Variants in EFEMP1 observed in about 807,000 individuals in gnomAD.
EFEMP1 encodes the protein EGF-like fibulin extracellular matrix protein 1.
Under a neutral mutation model 65.7 loss-of-function variants are expected in EFEMP1, and 18 were observed. The ratio of observed to expected loss-of-function variants is 0.27; its 90% CI spans 0.19 to 0.41. The LOEUF (loss-of-function observed/expected upper bound fraction) is 0.41, where lower values mean the gene tolerates loss of function less well. Among genes scored for constraint, EFEMP1 ranks in the 10% least tolerant of loss-of-function variants. The pLI, the probability that EFEMP1 is intolerant of heterozygous loss-of-function variation, is 1.00. For missense variants in EFEMP1, 469 were observed against 624.8 expected, an observed-to-expected ratio of 0.75 and a Z score of 2.66; for synonymous variants, 237 against 219.7, an observed-to-expected ratio of 1.08 and a Z score of -0.70.
chr2:55,900,017 G>A (rs979025160), intron 5 of EFEMP1, among the ~76,000 whole-genome samples: 1 of 152,068 alleles, frequency 6.6e-6, no homozygotes, highest in Non-Finnish European at 1.5e-5. Flanking sequence ...ATTTGTTCCA[G>A]ATGGATTCAG....
intron 5 of EFEMP1, among the ~76,000 whole-genome samples, chr2:55,910,297 A>G (rs1012739296): frequency 2.0e-5 from 3 of 152,140 alleles, no homozygotes; most frequent in East Asian, 1.9e-4. Flanking sequence ...TCTTTTGCCA[A>G]TATTTGAAAT....
At chr2:55,868,971 C>T (rs1027858405) in intron 11 of EFEMP1, among the ~76,000 whole-genome samples, 2 of 152,062 alleles carry the variant, frequency 1.3e-5, no homozygotes, top group African/African-American at 4.8e-5. Flanking sequence ...AAGAAATAGT[C>T]TTGAAATGTC....
At chr2:55,903,035 A>G (rs1329628003) in intron 5 of EFEMP1, among the ~76,000 whole-genome samples, 1 of 152,216 alleles carries the variant, frequency 6.6e-6, no homozygotes. Context: ...AATAGCTGAG[A>G]AAACTATCCA....
At chr2:55,916,957 A>G (rs1384538269) in intron 5 of EFEMP1, among the ~76,000 whole-genome samples, 1 of 152,248 alleles carries the variant, frequency 6.6e-6, no homozygotes, top group African/African-American at 2.4e-5. Context: ...AACCCTAGGC[A>G]GATGATGCCA....
chr2:55,917,225 T>C lies in EFEMP1; in HGVS notation c.517+440A>G, dbSNP rs1670729589. Among the ~76,000 whole-genome samples the C allele has an allele frequency of 6.6e-6, 1 of 152,192 alleles. No individual in the cohort carries two copies. Among genetic ancestry groups the C allele is most frequent in the Non-Finnish European group, 1.5e-5 (1 of 68,032 alleles). On this transcript the variant is annotated intron_variant, in intron 5 of 11. Transcript: ENST00000355426. This position sits in a 1 kb window ranked among gnomAD's most constrained non-coding sequence, Gnocchi z 6.3. ...TGGTGACTTTTGCCAGCTGTGACTT[T>C]GGCACCCGCCTTCCTGGGTTGGAAG...
At chr2:55,896,358 G>A (rs1669830283) in intron 5 of EFEMP1, among the ~76,000 whole-genome samples, 1 of 152,202 alleles carries the variant, frequency 6.6e-6, no homozygotes, top group Admixed American at 6.5e-5. Context: ...GTAAGTGGTA[G>A]CACAGACTCT....
chr2:55,875,335 TACACACAC>T (rs768780443), intron 8 of EFEMP1, among the ~76,000 whole-genome samples: 2 of 125,398 alleles, frequency 1.6e-5, no homozygotes, highest in South Asian at 2.5e-4. Flanking sequence ...GTTTCATATA[TACACACAC>T]ACACACACAC....
At chr2:55,894,370 G>A (rs1475544769) in intron 5 of EFEMP1, among the ~76,000 whole-genome samples, 1 of 152,122 alleles carries the variant, frequency 6.6e-6, no homozygotes, top group Non-Finnish European at 1.5e-5. Context: ...AAAAAACAGG[G>A]AATATTTTCA....
rs2104455345 is a variant in EFEMP1 at position 55,919,806 on chromosome 2, C to A, written c.82-1539G>T. Among the ~76,000 whole-genome samples the A allele has an allele frequency of 6.6e-6, 1 of 152,244 alleles. No homozygotes were observed. The highest frequency in any genetic ancestry group is 1.9e-4 in the East Asian group (1 of 5,176). On this transcript the variant is annotated intron_variant, in intron 3 of 11. Coordinates refer to ENST00000355426, the MANE Select transcript of EFEMP1 (RefSeq NM_001039348.3). This position sits in a 1 kb window ranked among gnomAD's most constrained non-coding sequence, Gnocchi z 4.5. ...TGTTTCCCAAACAGTGTTAAAGGTA[C>A]CACTACCTTTTTCGAAACCCAGGAT...
chr2:55,900,683 TTG>T (rs1670000124), intron 5 of EFEMP1, among the ~76,000 whole-genome samples: 1 of 152,084 alleles, frequency 6.6e-6, no homozygotes, highest in African/African-American at 2.4e-5. Context: ...CTCTGGTTAA[TTG>T]ACAATCTGGC....
Position 55,917,647 on chromosome 2 carries a change from A to C in EFEMP1, c.517+18T>G. The C allele has an allele frequency of 6.2e-7, 1 of 1,614,100 alleles. No individual in the cohort carries two copies. Among genetic ancestry groups the C allele is most frequent in the Non-Finnish European group, 8.5e-7 (1 of 1,179,960 alleles). ...TGGGCAAAAGCTTTCAATGGTTAGGAAAATAAGTTATTCCTACCTTGGCAC... is the reference window on the plus strand; with the variant it reads ...TGGGCAAAAGCTTTCAATGGTTAGGCAAATAAGTTATTCCTACCTTGGCAC... On this transcript the variant is annotated intron_variant, in intron 5 of 11. Coordinates refer to ENST00000355426, the MANE Select transcript of EFEMP1 (RefSeq NM_001039348.3). This position sits in a 1 kb window ranked among gnomAD's most constrained non-coding sequence, Gnocchi z 6.3.
intron 5 of EFEMP1, among the ~76,000 whole-genome samples, chr2:55,896,511 T>G (rs1669836708): frequency 6.6e-6 from 1 of 152,230 alleles, no homozygotes; most frequent in Non-Finnish European, 1.5e-5. Flanking sequence ...TAGCTTTTCC[T>G]TGAGCTAAAA....
chr2:55,881,499 A>T (rs1470904502), intron 6 of EFEMP1, 113 bp downstream of exon 6: 1 of 1,377,472 alleles, frequency 7.3e-7, no homozygotes, highest in East Asian at 2.3e-5. Flanking sequence ...AAAAATAAGG[A>T]ATTATTGGCT....
intron 8 of EFEMP1, among the ~76,000 whole-genome samples, chr2:55,875,350 A>T (rs993040019): frequency 2.1e-5 from 3 of 140,852 alleles, no homozygotes; most frequent in African/African-American, 8.6e-5. Context: ...ACACACACAC[A>T]CACACACACA....
chr2:55,922,062 G>C lies in EFEMP1; in HGVS notation c.81+298C>G, dbSNP rs879049725. On this transcript the variant is annotated intron_variant, in intron 3 of 11. Coordinates refer to ENST00000355426, the MANE Select transcript of EFEMP1 (RefSeq NM_001039348.3). This position sits in a 1 kb window ranked among gnomAD's most constrained non-coding sequence, Gnocchi z 5.5. ...AGTTCCTTACACCCATTAATTTGTT[G>C]AATGTTTTGGAAACATGTAACTTTC... The C allele has an allele frequency of 3.7e-5, 14 of 381,282 alleles. 1 individual carries two copies. Among genetic ancestry groups the C allele is most frequent in the South Asian group, 3.0e-4 (14 of 46,318 alleles). The allele number at this position is 381,282 out of a possible 1,614,324, so 23.6% of individuals were successfully genotyped here. A position where few individuals can be genotyped will look rare whatever the true frequency, so the allele number is the denominator to read the frequency against.
rs1670939645 is a variant in EFEMP1 at position 55,922,501 on chromosome 2, AC to A, written c.-7-55del. On this transcript the variant is annotated intron_variant, in intron 2 of 11. Transcript: ENST00000355426. The surrounding 1 kb of genome is among the most constrained non-coding windows in gnomAD (Gnocchi z 5.5). The stretch of plus-strand genomic sequence containing the variant: ...TTTAGTATCTGCTGCGGGGAAAGTA[AC>A]AAAACTTTAGCAGTGAGCACAAGCG... 6.5e-6 allele frequency: 10 copies of A among 1,537,426 alleles called. No individual in the cohort carries two copies. The Admixed American group carries it at 1.3e-4, about 21-fold the overall frequency.
chr2:55,914,816 A>G (rs1670614859), intron 5 of EFEMP1, among the ~76,000 whole-genome samples: 1 of 152,134 alleles, frequency 6.6e-6, no homozygotes, highest in Non-Finnish European at 1.5e-5. Flanking sequence ...ATTAAAACAG[A>G]AGACTCTTCA....
chr2:55,895,934 T>C (rs1186575790), intron 5 of EFEMP1, among the ~76,000 whole-genome samples: 2 of 152,156 alleles, frequency 1.3e-5, no homozygotes, highest in African/African-American at 4.8e-5. Flanking sequence ...ACCTCATCCT[T>C]AATTAAAGCC....
chr2:55,885,638 T>C lies in EFEMP1; in HGVS notation c.518-3904A>G, dbSNP rs1669395941. Among the ~76,000 whole-genome samples, 1 of 152,206 alleles carries C rather than the reference T, an allele frequency of 6.6e-6. No homozygotes were observed. The highest frequency in any genetic ancestry group is 6.5e-5 in the Admixed American group (1 of 15,280). ...TGCTCCCTCCTAGTGATTTATACTA[T>C]TGTAGGTCCCTCTCTTGCTGACTTT... On this transcript the variant is annotated intron_variant, in intron 5 of 11. Coordinates refer to ENST00000355426, the MANE Select transcript of EFEMP1 (RefSeq NM_001039348.3). This position sits in a 1 kb window ranked among gnomAD's most constrained non-coding sequence, Gnocchi z 4.3.
Sources: allele counts gnomAD v4.1 joint callset (sites outside exome capture counted in the v4.1 genomes callset), GRCh38; gene constraint gnomAD v4.1.1; non-coding constraint Gnocchi (gnomAD v3.1); transcripts MANE v1.5; gene names NCBI Gene and HGNC (gene_info 2026-07-23, HGNC 2026-07-21).